Variants in MTMR3 observed in about 807,000 individuals in gnomAD.
MTMR3 encodes the protein myotubularin related protein 3, also known as phosphatidylinositol-3,5-bisphosphate 3-phosphatase MTMR3.
A neutral mutation model predicts 132.4 loss-of-function variants in MTMR3; 32 were observed. That is an observed-to-expected ratio of 0.24 (90% CI 0.18 to 0.32). MTMR3 has a LOEUF of 0.32. Among genes scored for constraint, MTMR3 ranks in the 10% least tolerant of loss-of-function variants. The pLI, the probability that MTMR3 is intolerant of heterozygous loss-of-function variation, is 1.00. For synonymous variants in MTMR3, 556 were observed against 550.3 expected (o/e 1.01, Z -0.14); for missense variants, 1,216 against 1,489.6 (o/e 0.82, Z 3.02).
intron 5 of MTMR3, chr22:29,981,192 T>C (rs925840366): frequency 2.0e-5 from 3 of 152,238 alleles, no homozygotes; most frequent in Admixed American, 2.0e-4. Context: ...TTTTTGTGTC[T>C]TCAAGATCCA....
chr22:30,024,674 G>A (rs2067862958), intron 19 of MTMR3: 1 of 152,248 alleles, frequency 6.6e-6, no homozygotes, highest in Non-Finnish European at 1.5e-5. Context: ...AGTCTTTGGT[G>A]GGCTGTGTCA....
chr22:29,934,104 C>G, intron 1 of MTMR3, among the ~76,000 whole-genome samples: 1 of 152,090 alleles, frequency 6.6e-6, no homozygotes, highest in Non-Finnish European at 1.5e-5. Flanking sequence ...CCTGTAATTC[C>G]AGCACTTTGG....
At chr22:29,917,271 A>G (rs2065326323) in intron 1 of MTMR3, among the ~76,000 whole-genome samples, 1 of 152,174 alleles carries the variant, frequency 6.6e-6, no homozygotes, top group Non-Finnish European at 1.5e-5. Context: ...TCGGTTTTGT[A>G]TTCTTAGTAA....
At chr22:29,945,864 T>G (rs2065943068) in intron 1 of MTMR3, among the ~76,000 whole-genome samples, 1 of 152,174 alleles carries the variant, frequency 6.6e-6, no homozygotes, top group African/African-American at 2.4e-5. Context: ...AGTCCCAACT[T>G]GTTTAATTTG....
At chr22:30,019,402 C>CAA (rs1483157200) in intron 16 of MTMR3, 78 bp from the exon 17 acceptor site, 87 of 1,362,542 alleles carry the variant, frequency 6.4e-5, no homozygotes, top group Non-Finnish European at 8.3e-5. Context: ...GAAACAACTG[C>CAA]TTGTTAAAAC....
intron 1 of MTMR3, among the ~76,000 whole-genome samples, chr22:29,920,112 G>T (rs1188930214): frequency 6.6e-6 from 1 of 151,864 alleles, no homozygotes; most frequent in African/African-American, 2.4e-5. Flanking sequence ...TACTCGGGAG[G>T]CTGAGGCAGG....
Position 30,020,423 on chromosome 22 carries a change from T to C in MTMR3, c.2764T>C (p.Cys922Arg). The C allele has an allele frequency of 6.2e-7, 1 of 1,614,142 alleles. No homozygotes were observed. ...RSPCALPLAE[C>R]KEGLVCNGAP... is the part of the protein sequence containing the mutation. ...CCCTTGTGCCTTGCCTTTAGCCGAATGTAAAGAGGGGCTTGTGTGCAATGG... is the reference window on the plus strand; with the variant it reads ...CCCTTGTGCCTTGCCTTTAGCCGAACGTAAAGAGGGGCTTGTGTGCAATGG... Residue 922 changes from cysteine (C) to arginine (R), a missense_variant, in exon 17 of 20, where the codon TGT (cysteine) becomes CGT (arginine). Physicochemically the swap from Cys to Arg is radical, Grantham distance 180. Transcript: ENST00000401950.
chr22:29,991,403 CCCACTT>C, intron 6 of MTMR3, 95 bp from the exon 7 acceptor site: 1 of 1,197,754 alleles, frequency 8.3e-7, no homozygotes, highest in Non-Finnish European at 1.1e-6. Flanking sequence ...GGTTGTAGTT[CCCACTT>C]CACTACGAGT....
At chr22:29,955,455 A>C (rs1330156996) in intron 1 of MTMR3, among the ~76,000 whole-genome samples, 1 of 152,206 alleles carries the variant, frequency 6.6e-6, no homozygotes, top group African/African-American at 2.4e-5. Context: ...CTGCTGTACT[A>C]TGTTGTATTT....
At position 30,013,508 on chromosome 22, in the gene MTMR3, T is replaced by A; in HGVS notation, c.1470T>A (p.Phe490Leu). ...GTGTTCATCAGCTTCAGAGGCAATT[T>A]CCTTGCTCTTTTGAGTTCAATGAAG... ...LDCVHQLQRQ[F>L]PCSFEFNEAF... The change falls in exon 14 of 20, where the codon TTT becomes TTA. Residue 490 changes from phenylalanine to leucine, a missense_variant. Transcript: ENST00000401950. The A allele has an allele frequency of 6.2e-7, 1 of 1,614,122 alleles. No individual in the cohort carries two copies. Among genetic ancestry groups the A allele is most frequent in the East Asian group, 2.2e-5 (1 of 44,878 alleles).
chr22:29,980,285 C>T (rs2066714991), intron 5 of MTMR3: 1 of 151,854 alleles, frequency 6.6e-6, no homozygotes, highest in African/African-American at 2.4e-5. Flanking sequence ...CATTTATGTC[C>T]AGGAGCAGTT....
rs199860252 is a variant in MTMR3 at position 30,009,172 on chromosome 22, T to C, written c.1121+43T>C. 17 of 1,327,510 alleles carry C rather than the reference T, an allele frequency of 1.3e-5. No homozygotes were observed. The African/African-American group carries it at 2.0e-4, about 16-fold the overall frequency. The allele number at this position is 1,327,510 out of a possible 1,614,324, so 82.2% of individuals were successfully genotyped here. ...GCTTTCATTTTGCATTGCTCTTAAA[T>C]AATAAGTTTGCTTCTTTCCTTGAAC... is the stretch of plus-strand genomic sequence containing the variant. On this transcript the variant is annotated intron_variant, in intron 12 of 19. Coordinates refer to ENST00000401950, the MANE Select transcript of MTMR3 (RefSeq NM_021090.4).
chr22:29,946,310 T>C (rs1468958360), intron 1 of MTMR3, among the ~76,000 whole-genome samples: 1 of 152,164 alleles, frequency 6.6e-6, no homozygotes, highest in South Asian at 2.1e-4. Context: ...GGATTCTGTT[T>C]AGGATAGAGG....
At chr22:29,921,114 G>C (rs1181983960) in intron 1 of MTMR3, among the ~76,000 whole-genome samples, 2 of 152,066 alleles carry the variant, frequency 1.3e-5, no homozygotes, top group East Asian at 3.9e-4. Flanking sequence ...AAAGAAAATA[G>C]TTTTATTTGG....
At chr22:29,888,982 A>G (rs1217747262) in intron 1 of MTMR3, among the ~76,000 whole-genome samples, 6 of 152,060 alleles carry the variant, frequency 3.9e-5, no homozygotes, top group Admixed American at 6.6e-5. Context: ...TAGATTTATA[A>G]TCTGGCAAAA....
chr22:29,991,687 T>G lies in MTMR3; in HGVS notation c.460+17T>G. On this transcript the variant is annotated intron_variant, in intron 7 of 19. Coordinates refer to ENST00000401950, the MANE Select transcript of MTMR3 (RefSeq NM_021090.4). Reference sequence around the variant, plus strand: ...GCAGACCAGGTACGCCTTTCTGAAATGTGCAAATGGCCAGGGGCTTTATCA... The same window carrying G: ...GCAGACCAGGTACGCCTTTCTGAAAGGTGCAAATGGCCAGGGGCTTTATCA... 6.4e-7 allele frequency: 1 copy of G among 1,569,690 alleles called. No homozygotes were observed. Among genetic ancestry groups the G allele is most frequent in the Non-Finnish European group, 8.6e-7 (1 of 1,158,930 alleles).
chr22:30,010,818 C>CA (rs2067400405), intron 12 of MTMR3: 2 of 152,132 alleles, frequency 1.3e-5, no homozygotes, highest in Non-Finnish European at 2.9e-5. Context: ...AACAATTGAT[C>CA]CATCAGGAAA....
intron 5 of MTMR3, chr22:29,980,722 A>G (rs2066724498): frequency 6.6e-6 from 1 of 152,180 alleles, no homozygotes; most frequent in Non-Finnish European, 1.5e-5. Flanking sequence ...TGTTTCAGAG[A>G]CTATTTTAGA....
In MTMR3 at chr22:30,017,989, C is replaced by T; in HGVS notation, c.1737C>T (p.Cys579=). The T allele has an allele frequency of 1.2e-6, 2 of 1,613,750 alleles. No individual in the cohort carries two copies. The highest frequency in any genetic ancestry group is 1.7e-6 in the Non-Finnish European group (2 of 1,179,912). ...LMLWSAVYLP[C]PSPTTPVDDS... ...TGTGGAGTGCAGTGTACCTGCCCTG[C>T]CCATCCCCAACCACCCCTGTGGACG... Residue 579 remains cysteine, a synonymous_variant, in exon 16 of 20, where the codon TGC becomes TGT. Coordinates refer to ENST00000401950, the MANE Select transcript of MTMR3 (RefSeq NM_021090.4).
Sources: allele counts gnomAD v4.1 joint callset (sites outside exome capture counted in the v4.1 genomes callset), GRCh38; gene constraint gnomAD v4.1.1; transcripts MANE v1.5; gene names NCBI Gene and HGNC (gene_info 2026-07-23, HGNC 2026-07-21).